Variants in ZNF90 observed in about 807,000 individuals in gnomAD.
ZNF90 encodes the protein zinc finger protein 90, also known as zinc finger protein HTF9.
A neutral mutation model predicts 12.0 loss-of-function variants in ZNF90; 11 were observed. The observed-to-expected ratio is 0.92, with a 90% CI of 0.58 to 1.52. The LOEUF (loss-of-function observed/expected upper bound fraction) is 1.52, where lower values mean the gene tolerates loss of function less well. ZNF90 is among the 40% of genes most tolerant of loss of function. The pLI, the probability that ZNF90 is intolerant of heterozygous loss-of-function variation, is 0.00. For missense variants in ZNF90, 765 were observed against 711.5 expected (o/e 1.08, Z -0.86); for synonymous variants, 232 against 240.1 (o/e 0.97, Z 0.31).
At chr19:20,108,937 C>G (rs1170630203) in intron 3 of ZNF90, among the ~76,000 whole-genome samples, 2 of 151,724 alleles carry the variant, frequency 1.3e-5, no homozygotes, top group African/African-American at 2.4e-5. Context: ...ATTGGCCAGG[C>G]TGGTCTCGAG....
intron 1 of ZNF90, among the ~76,000 whole-genome samples, chr19:20,092,498 G>A (rs1445624832): frequency 6.6e-6 from 1 of 152,188 alleles, no homozygotes; most frequent in African/African-American, 2.4e-5. Context: ...AATAGGGGCA[G>A]TCTCTAAAGC....
intron 1 of ZNF90, among the ~76,000 whole-genome samples, chr19:20,101,641 A>G (rs2088990802): frequency 6.6e-6 from 1 of 152,084 alleles, no homozygotes; most frequent in South Asian, 2.1e-4. Flanking sequence ...TTTTTCTGCC[A>G]TTTGTTGTCA....
chr19:20,085,291 G>C (rs1198246453), intron 1 of ZNF90, among the ~76,000 whole-genome samples: 4 of 51,662 alleles, frequency 7.7e-5, no homozygotes, highest in Admixed American at 1.7e-4. Flanking sequence ...ACGGAGTCTC[G>C]CTCTTTGGCC....
At chr19:20,096,805 A>G (rs184786878) in intron 1 of ZNF90, among the ~76,000 whole-genome samples, 1 of 152,310 alleles carries the variant, frequency 6.6e-6, no homozygotes, top group Admixed American at 6.5e-5. Flanking sequence ...GAAAGCAAGC[A>G]GGAGTGCTGT....
chr19:20,117,763 T>G lies in ZNF90; in HGVS notation c.227-18T>G. 6.7e-7 allele frequency: 1 copy of G among 1,483,634 alleles called. No homozygotes were observed. Among genetic ancestry groups the G allele is most frequent in the Non-Finnish European group, 8.9e-7 (1 of 1,120,626 alleles). The allele number at this position is 1,483,634 out of a possible 1,614,324, so 91.9% of individuals were successfully genotyped here. On this transcript the variant is annotated intron_variant, in intron 3 of 3. Coordinates refer to ENST00000418063, the MANE Select transcript of ZNF90 (RefSeq NM_007138.2). ...GAATCTAGCAATTGAAGTAATGTGT[T>G]CTTATTGTTTCTTTCAGTTATGTGT...
intron 2 of ZNF90, 96 bp downstream of exon 2, chr19:20,104,461 A>G: frequency 1.5e-6 from 2 of 1,344,728 alleles, no homozygotes; most frequent in Non-Finnish European, 2.0e-6. Flanking sequence ...TGTTTGCATA[A>G]GAGAGTTTTA....
At chr19:20,113,060 T>A (rs547562714) in intron 3 of ZNF90, among the ~76,000 whole-genome samples, 22 of 152,364 alleles carry the variant, frequency 1.4e-4, no homozygotes, top group Admixed American at 2.6e-4. Context: ...TAAATATGAA[T>A]AAGCCATATG....
At chr19:20,079,115 CAAAA>C (rs139573879) in intron 1 of ZNF90, among the ~76,000 whole-genome samples, 20 of 68,786 alleles carry the variant, frequency 2.9e-4, no homozygotes, top group Admixed American at 1.3e-3. Flanking sequence ...GGAGAGTCCT[CAAAA>C]AAAAAAAAAA....
chr19:20,115,835 G>A (rs193217826), intron 3 of ZNF90, among the ~76,000 whole-genome samples: 1 of 152,024 alleles, frequency 6.6e-6, no homozygotes, highest in African/African-American at 2.4e-5. Flanking sequence ...GTAGTTGTCT[G>A]TGTTTCCATT....
rs202019306 is a variant in ZNF90 at position 20,097,624 on chromosome 19, TG to T, written c.4-6614del. ...CTTTCTTCTTTCTACTCTGCTAAAA[TG>T]CTCACAAATGTGCTATAAACATGCT... On this transcript the variant is annotated intron_variant, in intron 1 of 3. Coordinates refer to ENST00000418063, the MANE Select transcript of ZNF90 (RefSeq NM_007138.2). Among the ~76,000 whole-genome samples the T allele has an allele frequency of 8.6e-3, 1,307 of 152,348 alleles. 13 individuals carry two copies. The highest frequency in any genetic ancestry group is 0.03 in the African/African-American group (1,235 of 41,580).
At chr19:20,088,662 T>TG (rs1568283427) in intron 1 of ZNF90, among the ~76,000 whole-genome samples, 1 of 152,148 alleles carries the variant, frequency 6.6e-6, no homozygotes, top group Non-Finnish European at 1.5e-5. Flanking sequence ...TTTTCAGCAG[T>TG]GAGTAAGTCA....
rs56068843 is a variant in ZNF90, at chr19:20,085,268, C to CTTTTTTTTTTCT, written c.3+7143_3+7144insCTTTTTTTTTTT. On this transcript the variant is annotated intron_variant, in intron 1 of 3. Transcript: ENST00000418063. Reference sequence around the variant, plus strand: ...GGCCTCTCTGTTCTGTTGCATTGGTCTTTTTTTTTTAGACGGAGTCTCGCT... The same window carrying CTTTTTTTTTTCT: ...GGCCTCTCTGTTCTGTTGCATTGGTCTTTTTTTTTTCTTTTTTTTTTTAGACGGAGTCTCGCT... Among the ~76,000 whole-genome samples the CTTTTTTTTTTCT allele has an allele frequency of 5.9e-5, 8 of 135,576 alleles. No homozygotes were observed. In the East Asian group the frequency reaches 1.0e-3, roughly 17 times the overall value. 88.9% of individuals were successfully genotyped at this position (135,576 alleles called of 152,430 possible). A position where few individuals can be genotyped will look rare whatever the true frequency, so the allele number is the denominator to read the frequency against.
In ZNF90 at chr19:20,105,309, A is replaced by T. The variant is rs782600667; in HGVS notation, c.219A>T (p.Lys73Asn). 1 of 1,604,930 alleles carries T rather than the reference A, an allele frequency of 6.2e-7. No homozygotes were observed. The highest frequency in any genetic ancestry group is 8.5e-7 in the Non-Finnish European group (1 of 1,175,172). ...FTVKRHEMIA[K>N]SPVMCFHFAQ... ...TGAAGAGACATGAGATGATTGCCAA[A>T]TCCCCAGGTAGGTGCGAGTGAAAAT... The change falls in exon 3 of 4, where the codon AAA (lysine) becomes AAT (asparagine). Residue 73 changes from lysine (K) to asparagine (N), a missense_variant. Transcript: ENST00000418063.
chr19:20,119,058 A>G lies in ZNF90; in HGVS notation c.1504A>G (p.Ile502Val). 6.2e-7 allele frequency: 1 copy of G among 1,610,854 alleles called. No homozygotes were observed. The highest frequency in any genetic ancestry group is 8.5e-7 in the Non-Finnish European group (1 of 1,178,312). ...CTCAGCCCTTAGCACACATAAGATA[A>G]TTCACAGTGGAGAGAATCCCTACAA... The part of the protein sequence containing the change: ...YSSALSTHKI[I>V]HSGENPYKCE... Residue 502 changes from isoleucine to valine, a missense_variant, in exon 4 of 4, where the codon ATT (isoleucine) becomes GTT (valine). Transcript: ENST00000418063.
At chr19:20,106,050 T>C (rs782340357) in intron 3 of ZNF90, among the ~76,000 whole-genome samples, 4 of 137,718 alleles carry the variant, frequency 2.9e-5, no homozygotes, top group African/African-American at 8.4e-5. Context: ...TTTTCTTTTT[T>C]TTTTTTTTTT....
intron 1 of ZNF90, among the ~76,000 whole-genome samples, chr19:20,101,078 T>A (rs562675028): frequency 6.6e-6 from 1 of 152,186 alleles, no homozygotes; most frequent in African/African-American, 2.4e-5. Context: ...TCACTTGCCG[T>A]CGACCACTGC....
intron 1 of ZNF90, among the ~76,000 whole-genome samples, chr19:20,098,823 G>C (rs1555703503): frequency 6.6e-6 from 1 of 152,172 alleles, no homozygotes; most frequent in East Asian, 1.9e-4. Flanking sequence ...GTCATCCTGT[G>C]TTTGTTCCTC....
At chr19:20,100,010 G>A (rs1022241929) in intron 1 of ZNF90, among the ~76,000 whole-genome samples, 9 of 152,200 alleles carry the variant, frequency 5.9e-5, no homozygotes, top group East Asian at 1.9e-4. Flanking sequence ...GAAGTGAACC[G>A]CCAAGCGGAT....
chr19:20,087,827 G>A (rs764842296), intron 1 of ZNF90, among the ~76,000 whole-genome samples: 39 of 152,090 alleles, frequency 2.6e-4, no homozygotes, highest in East Asian at 1.5e-3. Flanking sequence ...ATAGGATTTC[G>A]GTAGGTAAAG....
Sources: gnomAD v4.1 joint callset for allele counts (sites outside exome capture counted in the v4.1 genomes callset) on GRCh38, gnomAD v4.1.1 for gene constraint, MANE v1.5 for transcripts, NCBI Gene and HGNC (gene_info 2026-07-23, HGNC 2026-07-21) for gene names.